KIZ: variants seen among roughly 807,000 people sequenced by gnomAD.
KIZ encodes the protein kizuna centrosomal protein.
A neutral mutation model predicts 79.6 loss-of-function variants in KIZ; 68 were observed. That is an observed-to-expected ratio of 0.85 (90% CI 0.70 to 1.05). KIZ has a LOEUF of 1.05. KIZ is among the 50% of genes least tolerant of loss of function. KIZ has a pLI of 0.00. For synonymous variants in KIZ, 280 were observed against 281.8 expected (o/e 0.99, Z 0.06); for missense variants, 797 against 800.4 (o/e 1.00, Z 0.05).
Position 21,162,499 on chromosome 20 carries a change from G to A in KIZ, c.1034G>A (p.Gly345Asp), listed in dbSNP as rs755471526. Residue 345 changes from glycine to aspartate, a missense_variant, in exon 5 of 13, where the codon GGT (glycine) becomes GAT (aspartate). Gly to Asp is a moderately conservative substitution (Grantham distance 94, BLOSUM62 -1). Coordinates refer to ENST00000619189, the MANE Select transcript of KIZ (RefSeq NM_018474.6). ...CAAGAGAAGCATTCTCCTTGGGAAG[G>A]TGTTTCAGGTGGGATGAGAGGCTGA... ...WSQEKHSPWE[G>D]VSDHLAHREP... is the part of the protein sequence containing the mutation. 6.2e-7 allele frequency: 1 copy of A among 1,610,046 alleles called. No individual in the cohort carries two copies. Among genetic ancestry groups the A allele is most frequent in the Non-Finnish European group, 8.5e-7 (1 of 1,177,536 alleles).
chr20:21,167,558 G>GC (rs2034000192), intron 6 of KIZ, among the ~76,000 whole-genome samples: 1 of 114,838 alleles, frequency 8.7e-6, no homozygotes, highest in Non-Finnish European at 1.9e-5. Context: ...TGTTTGTTTC[G>GC]CTTTTTTTTT....
At chr20:21,242,542 A>G (rs1323807383) in intron 11 of KIZ, among the ~76,000 whole-genome samples, 2 of 128,456 alleles carry the variant, frequency 1.6e-5, no homozygotes, top group Non-Finnish European at 3.2e-5. Context: ...GACTGCAGGA[A>G]GTATTGCAGG....
intron 7 of KIZ, among the ~76,000 whole-genome samples, chr20:21,208,553 A>G (rs565802585): frequency 6.6e-6 from 1 of 152,288 alleles, no homozygotes; most frequent in East Asian, 1.9e-4. Flanking sequence ...AATACAAAAA[A>G]TTAGCCGGGT....
At position 21,246,578 on chromosome 20, in the gene KIZ, G is replaced by A. The variant is rs371749929; in HGVS notation, c.*2G>A. Reference sequence around the variant, plus strand: ...GATTCTGATGATTTTTATGACTAACGTGCTGTGACATTGGTTTCAAATAAA... The same window carrying A: ...GATTCTGATGATTTTTATGACTAACATGCTGTGACATTGGTTTCAAATAAA... On this transcript the variant is annotated 3_prime_UTR_variant, in exon 13 of 13. Coordinates refer to ENST00000619189, the MANE Select transcript of KIZ (RefSeq NM_018474.6). 4.9e-5 allele frequency: 77 copies of A among 1,563,168 alleles called. No homozygotes were observed. Among genetic ancestry groups the A allele is most frequent in the South Asian group, 3.4e-5 (3 of 89,248 alleles).
chr20:21,189,967 G>A (rs549081086), intron 6 of KIZ, among the ~76,000 whole-genome samples: 1 of 152,294 alleles, frequency 6.6e-6, no homozygotes, highest in South Asian at 2.1e-4. Flanking sequence ...AAAAACACAG[G>A]TTTTGTAAGA....
chr20:21,246,166 A>C (rs1048479306), intron 12 of KIZ: 1 of 315,392 alleles, frequency 3.2e-6, no homozygotes, highest in African/African-American at 2.2e-5. Flanking sequence ...ACAACACCCC[A>C]GGGAACCCTG....
intron 6 of KIZ, among the ~76,000 whole-genome samples, chr20:21,199,210 C>T (rs902318527): frequency 1.3e-5 from 2 of 152,154 alleles, no homozygotes; most frequent in African/African-American, 4.8e-5. Context: ...TAGAGTTTCT[C>T]AGCATTCATA....
intron 6 of KIZ, among the ~76,000 whole-genome samples, chr20:21,180,977 T>G (rs1021347803): frequency 5.9e-5 from 9 of 152,196 alleles, no homozygotes; most frequent in Non-Finnish European, 1.0e-4. Context: ...AGTTGTTGGT[T>G]GTTGTTTTAT....
rs74807786 is a variant in KIZ, at chr20:21,139,627, C to A, written c.315+3075C>A. On this transcript the variant is annotated intron_variant, in intron 3 of 12. Transcript: ENST00000619189. ...TGAGGCTTCATTTAATAGTTGATTT[C>A]TTATTATAACCAAATTTGAGAGGAA... 7.5e-3 allele frequency among the ~76,000 whole-genome samples: 1,144 copies of A among 151,938 alleles called. 10 individuals carry two copies. Among genetic ancestry groups the A allele is most frequent in the African/African-American group, 0.026 (1,091 of 41,440 alleles).
rs1367928068 is a variant in KIZ, at chr20:21,136,505, C to T, written c.268C>T (p.His90Tyr). Residue 90 changes from histidine (H) to tyrosine (Y), a missense_variant, in exon 3 of 13, where the codon CAT (histidine) becomes TAT (tyrosine). Transcript: ENST00000619189. ...AAAGCGATTTGAGCGTGTCCAAGCT[C>T]ATGTTGTACACTTCACCACAAATAC... ...YLKRFERVQA[H>Y]VVHFTTNTEK... 6 of 1,600,860 alleles carry T rather than the reference C, an allele frequency of 3.7e-6. No individual in the cohort carries two copies. Among genetic ancestry groups the T allele is most frequent in the East Asian group, 2.2e-5 (1 of 44,692 alleles).
At chr20:21,224,112 A>G (rs897774829) in intron 9 of KIZ, among the ~76,000 whole-genome samples, 8 of 149,718 alleles carry the variant, frequency 5.3e-5, no homozygotes, top group Non-Finnish European at 4.4e-5. Context: ...TCCTGCCTCA[A>G]CCTCCCGTGT....
chr20:21,179,212 T>G (rs1600467519), intron 6 of KIZ, among the ~76,000 whole-genome samples: 1 of 144,694 alleles, frequency 6.9e-6, no homozygotes, highest in Non-Finnish European at 1.5e-5. Context: ...TTTTTTTGTT[T>G]TTTTTTTTTT....
chr20:21,203,026 A>G (rs1351576260), intron 6 of KIZ, among the ~76,000 whole-genome samples: 1 of 152,192 alleles, frequency 6.6e-6, no homozygotes, highest in Non-Finnish European at 1.5e-5. Context: ...GATTTAAAAT[A>G]CTATCATTTA....
At chr20:21,146,732 T>C (rs2032867073) in intron 4 of KIZ, among the ~76,000 whole-genome samples, 1 of 152,152 alleles carries the variant, frequency 6.6e-6, no homozygotes, top group Non-Finnish European at 1.5e-5. Context: ...GTTTTTATAG[T>C]AGGAGGAAGG....
intron 6 of KIZ, among the ~76,000 whole-genome samples, chr20:21,177,955 A>G (rs1315529863): frequency 6.6e-6 from 1 of 152,124 alleles, no homozygotes; most frequent in African/African-American, 2.4e-5. Flanking sequence ...TCTTTATGCC[A>G]ATACCATACT....
At chr20:21,196,730 C>T (rs950065468) in intron 6 of KIZ, 1 of 152,338 alleles carries the variant, frequency 6.6e-6, no homozygotes, top group South Asian at 2.1e-4. Context: ...AGACAGAAGC[C>T]TGGGAATTGG....
At chr20:21,177,736 C>A (rs2034494670) in intron 6 of KIZ, among the ~76,000 whole-genome samples, 1 of 152,010 alleles carries the variant, frequency 6.6e-6, no homozygotes, top group Admixed American at 6.6e-5. Flanking sequence ...ATCCTTAATT[C>A]ATTTTGAGTT....
intron 4 of KIZ, among the ~76,000 whole-genome samples, chr20:21,155,756 A>G (rs2033350566): frequency 6.6e-6 from 1 of 152,220 alleles, no homozygotes; most frequent in African/African-American, 2.4e-5. Flanking sequence ...TTGTTATGAC[A>G]TAGTCTTTAT....
chr20:21,138,384 CT>C (rs1156662913), intron 3 of KIZ, among the ~76,000 whole-genome samples: 2 of 152,172 alleles, frequency 1.3e-5, no homozygotes, highest in Admixed American at 6.5e-5. Flanking sequence ...TAAACAAGCA[CT>C]GTCCAGTAGA....
Sources: gnomAD v4.1 joint callset for allele counts (sites outside exome capture counted in the v4.1 genomes callset) on GRCh38, gnomAD v4.1.1 for gene constraint, MANE v1.5 for transcripts, NCBI Gene and HGNC (gene_info 2026-07-23, HGNC 2026-07-21) for gene names.